CLSTN2: variants seen among roughly 807,000 people sequenced by gnomAD.
The protein encoded by CLSTN2 is calsyntenin-2.
CLSTN2 carries 48 observed loss-of-function variants against 101.2 expected under a neutral mutation model. That is an observed-to-expected ratio of 0.47 (90% CI 0.38 to 0.60). CLSTN2 has a LOEUF of 0.60. Ranked by LOEUF, CLSTN2 falls within the 20% of genes least tolerant of loss-of-function variation. The probability of loss-of-function intolerance (pLI) is 0.00; values close to 1 mark genes in which losing one functional copy is unlikely to be tolerated. For missense variants in CLSTN2, 1,160 were observed against 1,238.2 expected, an observed-to-expected ratio of 0.94 and a Z score of 0.95; for synonymous variants, 481 against 463.6, an observed-to-expected ratio of 1.04 and a Z score of -0.48.
intron 1 of CLSTN2, among the ~76,000 whole-genome samples, chr3:140,140,231 C>A (rs181538491): frequency 6.6e-6 from 1 of 152,246 alleles, no homozygotes; most frequent in African/African-American, 2.4e-5. Flanking sequence ...ATTTGCATTG[C>A]TATGAAGGAA....
At chr3:140,499,397 C>T (rs1934526889) in intron 8 of CLSTN2, among the ~76,000 whole-genome samples, 1 of 152,174 alleles carries the variant, frequency 6.6e-6, no homozygotes, top group African/African-American at 2.4e-5. Flanking sequence ...TCTTCAAGGA[C>T]CCCAATGTGT....
intron 1 of CLSTN2, among the ~76,000 whole-genome samples, chr3:140,023,696 G>A (rs75440570): frequency 0.016 from 2,432 of 152,228 alleles, 25 homozygotes; most frequent in Middle Eastern, 0.048. Context: ...AGCCCCCTTC[G>A]TGTTGGCTGC....
rs1985579839 is a variant in CLSTN2 at position 140,572,255 on chromosome 3, C to T, written c.*6002C>T. On this transcript the variant is annotated 3_prime_UTR_variant, in exon 17 of 17. Transcript: ENST00000458420. ...TCACTGAGGCAGACTGAGGAGCTCT[C>T]CAGGGAAGTAGGCAATATTTCCCTG... is the stretch of plus-strand genomic sequence containing the variant. 1 of 152,196 alleles carries T rather than the reference C, an allele frequency of 6.6e-6. No homozygotes were observed. The highest frequency in any genetic ancestry group is 2.4e-5 in the African/African-American group (1 of 41,436). 9.4% of individuals were successfully genotyped at this position (152,196 alleles called of 1,614,324 possible). A position where few individuals can be genotyped will look rare whatever the true frequency, so the allele number is the denominator to read the frequency against.
intron 2 of CLSTN2, among the ~76,000 whole-genome samples, chr3:140,314,203 A>AG (rs1401407618): frequency 6.6e-6 from 1 of 152,210 alleles, no homozygotes; most frequent in Non-Finnish European, 1.5e-5. Context: ...CCAAGCTCCT[A>AG]GGAAAAAGTT....
intron 5 of CLSTN2, among the ~76,000 whole-genome samples, chr3:140,438,924 G>A (rs7644903): frequency 0.34 from 51,135 of 152,080 alleles, 10,442 homozygotes; most frequent in Middle Eastern, 0.47. Context: ...AGCTGCAGCC[G>A]AGCCTTGGGT....
intron 2 of CLSTN2, among the ~76,000 whole-genome samples, chr3:140,302,061 T>C (rs375547429): frequency 6.6e-6 from 1 of 152,370 alleles, no homozygotes; most frequent in East Asian, 1.9e-4. Flanking sequence ...GTGGCTTCTA[T>C]GCTGTTATGT....
At chr3:140,296,004 T>C (rs6788365) in intron 2 of CLSTN2, among the ~76,000 whole-genome samples, 30,505 of 152,220 alleles carry the variant, frequency 0.2, 3,319 homozygotes, top group East Asian at 0.46. Context: ...AATTCTTATA[T>C]GTTGAATAGC....
At chr3:140,536,575 A>G (rs77833931) in intron 9 of CLSTN2, among the ~76,000 whole-genome samples, 1 of 152,152 alleles carries the variant, frequency 6.6e-6, no homozygotes, top group African/African-American at 2.4e-5. Flanking sequence ...TAATCAGAAG[A>G]CAGGTATTGG....
At position 140,478,214 on chromosome 3, in the gene CLSTN2, A is replaced by T. The variant is rs546911729; in HGVS notation, c.1344+11483A>T. On this transcript the variant is annotated intron_variant, in intron 8 of 16. Transcript: ENST00000458420. ...TTTAATGAATGCTTCTTAATTTTTT[A>T]AAAAAATTATCTAAATGGCATATGC... Among the ~76,000 whole-genome samples, 78 of 152,160 alleles carry T rather than the reference A, an allele frequency of 5.1e-4. 1 individual carries two copies. Among genetic ancestry groups the T allele is most frequent in the Middle Eastern group, 3.4e-3 (1 of 294 alleles).
intron 1 of CLSTN2, among the ~76,000 whole-genome samples, chr3:140,098,793 G>A (rs1174218137): frequency 6.6e-6 from 1 of 152,192 alleles, no homozygotes; most frequent in Non-Finnish European, 1.5e-5. Flanking sequence ...TTGTGCTCCT[G>A]AAAGTTTGTT....
intron 2 of CLSTN2, among the ~76,000 whole-genome samples, chr3:140,382,146 A>G (rs1328163459): frequency 6.6e-6 from 1 of 152,148 alleles, no homozygotes; most frequent in East Asian, 1.9e-4. Flanking sequence ...TACCCATTAT[A>G]TCTTCCCAGT....
intron 2 of CLSTN2, among the ~76,000 whole-genome samples, chr3:140,370,197 T>C (rs1299061628): frequency 6.6e-6 from 1 of 152,156 alleles, no homozygotes; most frequent in South Asian, 2.1e-4. Context: ...TCTGCTTCAA[T>C]TACTCACCAT....
intron 4 of CLSTN2, among the ~76,000 whole-genome samples, chr3:140,414,863 T>C (rs1287230996): frequency 6.6e-6 from 1 of 151,972 alleles, no homozygotes; most frequent in Non-Finnish European, 1.5e-5. Context: ...AGACCTCAAA[T>C]AGCTAAAGCA....
chr3:140,203,869 C>T (rs754465495), intron 2 of CLSTN2, among the ~76,000 whole-genome samples: 6 of 152,202 alleles, frequency 3.9e-5, no homozygotes, highest in Admixed American at 6.5e-5. Flanking sequence ...GAAAATAACC[C>T]GCAAGATTCT....
chr3:139,983,628 A>T (rs920737218), intron 1 of CLSTN2, among the ~76,000 whole-genome samples: 12 of 152,170 alleles, frequency 7.9e-5, no homozygotes, highest in Admixed American at 2.0e-4. Flanking sequence ...ATTTTTAATT[A>T]AATATTTAAA....
intron 1 of CLSTN2, among the ~76,000 whole-genome samples, chr3:140,088,971 G>GA (rs1350746399): frequency 6.6e-6 from 1 of 151,602 alleles, no homozygotes; most frequent in Non-Finnish European, 1.5e-5. Flanking sequence ...TTTTTAAGTG[G>GA]AAAAAAATGC....
At chr3:140,426,716 C>T (rs927148013) in intron 5 of CLSTN2, among the ~76,000 whole-genome samples, 1 of 152,102 alleles carries the variant, frequency 6.6e-6, no homozygotes, top group African/African-American at 2.4e-5. Context: ...CTATGGTTAC[C>T]TGATGTTATA....
chr3:139,954,709 C>T (rs1445064250), intron 1 of CLSTN2, among the ~76,000 whole-genome samples: 3 of 152,148 alleles, frequency 2.0e-5, no homozygotes, highest in Non-Finnish European at 2.9e-5. Context: ...GCACTTACCT[C>T]TGTCTTCACC....
intron 1 of CLSTN2, among the ~76,000 whole-genome samples, chr3:140,146,017 A>C (rs2009776065): frequency 6.6e-6 from 1 of 152,174 alleles, no homozygotes; most frequent in Non-Finnish European, 1.5e-5. Context: ...TGGGGTCATA[A>C]AATGCTTGGA....
Sources: gnomAD v4.1 joint callset for allele counts (sites outside exome capture counted in the v4.1 genomes callset) on GRCh38, gnomAD v4.1.1 for gene constraint, MANE v1.5 for transcripts, NCBI Gene and HGNC (gene_info 2026-07-23, HGNC 2026-07-21) for gene names.